Variants in FAF1 observed in about 807,000 individuals in gnomAD.
FAF1 encodes the protein Fas associated factor 1, also known as FAS-associated factor 1.
In FAF1, 25 loss-of-function variants were observed where a neutral mutation model predicts 92.5. That is an observed-to-expected ratio of 0.27 (90% CI 0.20 to 0.38). The LOEUF (loss-of-function observed/expected upper bound fraction) is 0.38, where lower values mean the gene tolerates loss of function less well. FAF1 is among the 10% of genes least tolerant of loss of function. The probability of loss-of-function intolerance (pLI) is 1.00; values close to 1 mark genes in which losing one functional copy is unlikely to be tolerated. For synonymous variants in FAF1, 234 were observed against 273.2 expected (o/e 0.86, Z 1.42); for missense variants, 636 against 793.3 (o/e 0.80, Z 2.38).
chr1:50,630,043 C>A (rs373791397), intron 8 of FAF1, among the ~76,000 whole-genome samples: 2 of 149,926 alleles, frequency 1.3e-5, no homozygotes, highest in Non-Finnish European at 3.0e-5. Context: ...GGCGACAGAG[C>A]GAGCCTCTGT....
chr1:50,910,475 C>T (rs1644875658), intron 1 of FAF1, among the ~76,000 whole-genome samples: 1 of 152,192 alleles, frequency 6.6e-6, no homozygotes, highest in African/African-American at 2.4e-5. Context: ...CTGTGCCCTG[C>T]CCCTAGAGGT....
At chr1:50,814,596 G>C (rs1643949452) in intron 2 of FAF1, among the ~76,000 whole-genome samples, 1 of 152,088 alleles carries the variant, frequency 6.6e-6, no homozygotes, top group African/African-American at 2.4e-5. Flanking sequence ...AAAACATTAT[G>C]CTAAGCGAAT....
chr1:50,560,028 T>C (rs1649824226), intron 13 of FAF1, among the ~76,000 whole-genome samples: 1 of 152,218 alleles, frequency 6.6e-6, no homozygotes, highest in South Asian at 2.1e-4. Flanking sequence ...GCAGAATCCA[T>C]ATTTGTACCT....
intron 1 of FAF1, among the ~76,000 whole-genome samples, chr1:50,952,390 G>A (rs187837916): frequency 3.3e-5 from 5 of 152,348 alleles, no homozygotes; most frequent in Admixed American, 1.3e-4. Flanking sequence ...GATTGCAGAC[G>A]GAGTCTCGCT....
chr1:50,868,646 G>T (rs894625297), intron 1 of FAF1, among the ~76,000 whole-genome samples: 2 of 152,062 alleles, frequency 1.3e-5, no homozygotes, highest in African/African-American at 4.8e-5. Flanking sequence ...TTTTCCTCAT[G>T]ATCTGTTTTT....
At chr1:50,816,481 G>A (rs1475024192) in intron 2 of FAF1, among the ~76,000 whole-genome samples, 2 of 151,874 alleles carry the variant, frequency 1.3e-5, no homozygotes, top group African/African-American at 4.8e-5. Context: ...TGGGATTACA[G>A]GCGTGAGCCA....
In FAF1 at chr1:50,858,098, A is replaced by C. The variant is rs956786791; in HGVS notation, c.46-101T>G. On this transcript the variant is annotated intron_variant, in intron 1 of 18. Transcript: ENST00000396153. ...AGCATAATATGTAATTTAAATTCAA[A>C]TAGGTATATGAATAAAGCCAAAACA... is the stretch of plus-strand genomic sequence containing the variant. The C allele has an allele frequency of 3.9e-6, 3 of 760,448 alleles. No homozygotes were observed. In the African/African-American group the frequency reaches 5.4e-5, roughly 14 times the overall value. 47.1% of individuals were successfully genotyped at this position (760,448 alleles called of 1,614,324 possible).
intron 18 of FAF1, among the ~76,000 whole-genome samples, chr1:50,464,123 G>A (rs1409223578): frequency 2.0e-5 from 3 of 152,234 alleles, no homozygotes; most frequent in East Asian, 3.9e-4. Context: ...AATGTACCAT[G>A]TGCCATGTCT....
intron 18 of FAF1, among the ~76,000 whole-genome samples, chr1:50,467,450 A>G (rs1262945416): frequency 6.6e-6 from 1 of 152,094 alleles, no homozygotes; most frequent in Admixed American, 6.5e-5. Flanking sequence ...AGTAGCTGGG[A>G]CCACAGGCAT....
At chr1:50,876,752 G>A (rs1031672747) in intron 1 of FAF1, among the ~76,000 whole-genome samples, 5 of 151,832 alleles carry the variant, frequency 3.3e-5, no homozygotes, top group Admixed American at 1.3e-4. Context: ...CCTGGCTAAT[G>A]TTTGTATTTT....
chr1:50,757,059 A>T (rs1421842743), intron 4 of FAF1, among the ~76,000 whole-genome samples: 2 of 152,254 alleles, frequency 1.3e-5, no homozygotes, highest in Non-Finnish European at 2.9e-5. Context: ...TTCCAAATAT[A>T]CAGGGATATT....
At chr1:50,834,246 C>T (rs1405190412) in intron 2 of FAF1, among the ~76,000 whole-genome samples, 3 of 152,208 alleles carry the variant, frequency 2.0e-5, no homozygotes, top group African/African-American at 7.2e-5. Context: ...GCCATGTTTC[C>T]TGTACGGCCT....
At chr1:50,714,061 G>A (rs992654842) in intron 6 of FAF1, among the ~76,000 whole-genome samples, 18 of 151,534 alleles carry the variant, frequency 1.2e-4, no homozygotes, top group East Asian at 7.8e-4. Context: ...ATGAGCCACC[G>A]CACCTGGCCT....
chr1:50,631,768 T>A (rs931270087), intron 8 of FAF1, among the ~76,000 whole-genome samples: 5 of 152,200 alleles, frequency 3.3e-5, no homozygotes, highest in Non-Finnish European at 7.3e-5. Context: ...TTAGTTAAGA[T>A]GAACAAGGCA....
At chr1:50,786,214 T>C (rs542112655) in intron 4 of FAF1, among the ~76,000 whole-genome samples, 1 of 152,048 alleles carries the variant, frequency 6.6e-6, no homozygotes, top group Non-Finnish European at 1.5e-5. Context: ...TAAATGTCCA[T>C]TTATGATGTT....
chr1:50,567,031 T>G (rs1158820480), intron 13 of FAF1, 46 bp downstream of exon 13: 1 of 1,416,424 alleles, frequency 7.1e-7, no homozygotes, highest in East Asian at 2.3e-5. Flanking sequence ...CAATGATTTT[T>G]TTTTTAATAG....
intron 4 of FAF1, among the ~76,000 whole-genome samples, chr1:50,756,334 C>T (rs1056060755): frequency 6.8e-6 from 1 of 146,932 alleles, no homozygotes; most frequent in Non-Finnish European, 1.5e-5. Context: ...TGCTAAAACA[C>T]AACAAGAGTC....
chr1:50,556,757 A>C (rs1252640663), intron 13 of FAF1, among the ~76,000 whole-genome samples: 1 of 152,082 alleles, frequency 6.6e-6, no homozygotes, highest in African/African-American at 2.4e-5. Context: ...GGACTGCTTG[A>C]GCCTAGCAGG....
At chr1:50,596,068 G>T in intron 9 of FAF1, 53 bp downstream of exon 9, 1 of 1,174,870 alleles carries the variant, frequency 8.5e-7, no homozygotes, top group Non-Finnish European at 1.3e-6. Flanking sequence ...GAAGTGCGCA[G>T]GTAGGTGGGG....
Sources: gnomAD v4.1 joint callset for allele counts (sites outside exome capture counted in the v4.1 genomes callset) on GRCh38, gnomAD v4.1.1 for gene constraint, MANE v1.5 for transcripts, NCBI Gene and HGNC (gene_info 2026-07-23, HGNC 2026-07-21) for gene names.